SH3GL2: variants seen among roughly 807,000 people sequenced by gnomAD.
SH3GL2 encodes endophilin-A1.
In SH3GL2, 24 loss-of-function variants were observed where a neutral mutation model predicts 46.0. The ratio of observed to expected loss-of-function variants is 0.52; its 90% confidence interval spans 0.38 to 0.73. SH3GL2 has a LOEUF of 0.73. SH3GL2 is among the 30% of genes least tolerant of loss of function. The pLI, the probability that SH3GL2 is intolerant of heterozygous loss-of-function variation, is 0.00. For missense variants in SH3GL2, 413 were observed against 424.2 expected (o/e 0.97, Z 0.23); for synonymous variants, 196 against 147.1 (o/e 1.33, Z -2.40).
chr9:17,623,678 T>C (rs910685581), intron 1 of SH3GL2, among the ~76,000 whole-genome samples: 3 of 150,666 alleles, frequency 2.0e-5, no homozygotes, highest in Non-Finnish European at 4.4e-5. Context: ...TCACCTTTTC[T>C]TATATTTAAC....
At chr9:17,761,336 G>A in intron 2 of SH3GL2, 101 bp from the exon 3 acceptor site, 1 of 759,300 alleles carries the variant, frequency 1.3e-6, no homozygotes, top group Non-Finnish European at 2.4e-6. Flanking sequence ...CTTGTCCGGG[G>A]CTCTGTTGCA....
intron 1 of SH3GL2, among the ~76,000 whole-genome samples, chr9:17,615,399 A>G (rs111800288): frequency 0.013 from 1,984 of 152,178 alleles, 49 homozygotes; most frequent in African/African-American, 0.045. Context: ...GCTCATGCCT[A>G]TAATCCCAGC....
chr9:17,777,915 A>T (rs1313741599), intron 3 of SH3GL2, among the ~76,000 whole-genome samples: 1 of 152,020 alleles, frequency 6.6e-6, no homozygotes, highest in Non-Finnish European at 1.5e-5. Flanking sequence ...CCTTTAGCGT[A>T]GGTTGGGCTC....
chr9:17,795,605 G>A lies in SH3GL2; in HGVS notation c.921G>A (p.Gly307=), dbSNP rs1254042897. 1 of 1,613,974 alleles carries A rather than the reference G, an allele frequency of 6.2e-7. No homozygotes were observed. Among genetic ancestry groups the A allele is most frequent in the Non-Finnish European group, 8.5e-7 (1 of 1,179,920 alleles). The change falls in exon 9 of 9, where the codon GGG becomes GGA. Residue 307 remains glycine, a synonymous_variant. Transcript: ENST00000380607. ...ALYDFEPENE[G]ELGFKEGDII... ...ACGACTTTGAACCTGAAAATGAAGG[G>A]GAGTTGGGATTTAAAGAGGGCGATA...
chr9:17,665,417 T>C (rs1167890184), intron 1 of SH3GL2, among the ~76,000 whole-genome samples: 9 of 152,200 alleles, frequency 5.9e-5, no homozygotes, highest in African/African-American at 2.2e-4. Flanking sequence ...GTGACCTTGA[T>C]GTTTTTGATG....
At chr9:17,680,015 G>A (rs932063577) in intron 1 of SH3GL2, among the ~76,000 whole-genome samples, 2 of 152,142 alleles carry the variant, frequency 1.3e-5, no homozygotes, top group Admixed American at 6.6e-5. Context: ...TTGATGTGCT[G>A]CTGGATTCGG....
chr9:17,709,722 C>G (rs559077385), intron 1 of SH3GL2, among the ~76,000 whole-genome samples: 1 of 150,690 alleles, frequency 6.6e-6, no homozygotes, highest in East Asian at 2.0e-4. Context: ...CACGTTTAAC[C>G]TGTATTCTGT....
At chr9:17,636,512 C>G (rs1475981718) in intron 1 of SH3GL2, among the ~76,000 whole-genome samples, 1 of 152,108 alleles carries the variant, frequency 6.6e-6, no homozygotes, top group African/African-American at 2.4e-5. Context: ...ACAAAATGAC[C>G]TTTTTCACTA....
intron 1 of SH3GL2, among the ~76,000 whole-genome samples, chr9:17,696,868 C>T (rs1821216254): frequency 6.6e-6 from 1 of 152,234 alleles, no homozygotes; most frequent in African/African-American, 2.4e-5. Flanking sequence ...TTGCTCTCCA[C>T]ATGCATAGCA....
chr9:17,761,640 C>G, intron 3 of SH3GL2, 131 bp downstream of exon 3: 2 of 766,108 alleles, frequency 2.6e-6, no homozygotes, highest in South Asian at 1.4e-5. Context: ...GAGAGGTTAG[C>G]GACTTCATGG....
At chr9:17,700,032 C>G (rs1821306679) in intron 1 of SH3GL2, among the ~76,000 whole-genome samples, 1 of 145,596 alleles carries the variant, frequency 6.9e-6, no homozygotes, top group Middle Eastern at 3.5e-3. Context: ...CCTTGTCACG[C>G]TTGCTGATGA....
chr9:17,757,246 A>G (rs879361572), intron 2 of SH3GL2, among the ~76,000 whole-genome samples: 2 of 152,230 alleles, frequency 1.3e-5, no homozygotes, highest in East Asian at 3.8e-4. Context: ...GGCATGGGCA[A>G]GGCATTAGAC....
At chr9:17,719,350 A>T (rs151036302) in intron 1 of SH3GL2, among the ~76,000 whole-genome samples, 3 of 152,178 alleles carry the variant, frequency 2.0e-5, no homozygotes, top group Admixed American at 6.5e-5. Flanking sequence ...GTTTCTAGGA[A>T]CTGCCAGGCC....
At chr9:17,747,799 G>C (rs1258483590) in intron 2 of SH3GL2, among the ~76,000 whole-genome samples, 1 of 151,992 alleles carries the variant, frequency 6.6e-6, no homozygotes, top group Non-Finnish European at 1.5e-5. Flanking sequence ...TCAGCTCCCT[G>C]AGTATCTGGG....
intron 1 of SH3GL2, among the ~76,000 whole-genome samples, chr9:17,711,598 A>T (rs1467538057): frequency 6.6e-6 from 1 of 151,806 alleles, no homozygotes; most frequent in African/African-American, 2.4e-5. Context: ...ACTTCTTTCA[A>T]TCGGCATAAT....
intron 1 of SH3GL2, among the ~76,000 whole-genome samples, chr9:17,717,180 G>A (rs1821783571): frequency 2.0e-5 from 3 of 152,082 alleles, no homozygotes; most frequent in Admixed American, 6.6e-5. Context: ...TCTCCTATTC[G>A]GAAGGTCATG....
chr9:17,759,516 C>G (rs933207223), intron 2 of SH3GL2, among the ~76,000 whole-genome samples: 1 of 152,180 alleles, frequency 6.6e-6, no homozygotes, highest in Non-Finnish European at 1.5e-5. Flanking sequence ...TAAGAACACA[C>G]ACACTGGAAC....
intron 1 of SH3GL2, among the ~76,000 whole-genome samples, chr9:17,649,635 C>T (rs1819907732): frequency 6.6e-6 from 1 of 152,088 alleles, no homozygotes; most frequent in African/African-American, 2.4e-5. Context: ...AGGGAGTTTG[C>T]TTTATTAGAG....
At chr9:17,579,389 G>A in intron 1 of SH3GL2, 102 bp downstream of exon 1, 1 of 640,950 alleles carries the variant, frequency 1.6e-6, no homozygotes, top group Non-Finnish European at 2.2e-6. Context: ...GTTCGGCACC[G>A]AGCCTCGCCC....
Sources: allele counts gnomAD v4.1 joint callset (sites outside exome capture counted in the v4.1 genomes callset), GRCh38; gene constraint gnomAD v4.1.1; transcripts MANE v1.5; gene names NCBI Gene and HGNC (gene_info 2026-07-23, HGNC 2026-07-21).